ASCC3: variants seen among roughly 807,000 people sequenced by gnomAD.
The protein encoded by ASCC3 is activating signal cointegrator 1 complex subunit 3, also known as ASC-1 complex subunit P200.
Under a neutral mutation model 256.3 loss-of-function variants are expected in ASCC3, and 158 were observed. The ratio of observed to expected loss-of-function variants is 0.62; its 90% confidence interval spans 0.54 to 0.70. The LOEUF is 0.70. ASCC3 is among the 30% of genes least tolerant of loss of function. The probability of loss-of-function intolerance (pLI) is 0.00; values close to 1 mark genes in which losing one functional copy is unlikely to be tolerated. For missense variants in ASCC3, 2,259 were observed against 2,626.0 expected, an observed-to-expected ratio of 0.86 and a Z score of 3.05; for synonymous variants, 948 against 883.4, an observed-to-expected ratio of 1.07 and a Z score of -1.30.
At chr6:100,722,253 G>C (rs942538263) in intron 11 of ASCC3, among the ~76,000 whole-genome samples, 2 of 151,788 alleles carry the variant, frequency 1.3e-5, no homozygotes, top group Non-Finnish European at 2.9e-5. Context: ...AGTATAGTTT[G>C]AAGGTGGGTA....
chr6:100,702,950 T>G (rs2115001675), intron 13 of ASCC3, among the ~76,000 whole-genome samples: 1 of 152,260 alleles, frequency 6.6e-6, no homozygotes, highest in East Asian at 1.9e-4. Flanking sequence ...AATGCCTAGG[T>G]CAACATGATT....
chr6:100,782,995 T>A (rs1403578422), intron 8 of ASCC3, among the ~76,000 whole-genome samples: 1 of 151,474 alleles, frequency 6.6e-6, no homozygotes, highest in Non-Finnish European at 1.5e-5. Flanking sequence ...TGAAACCATA[T>A]GATAATACCT....
chr6:100,689,400 T>C (rs1309920633), intron 13 of ASCC3, among the ~76,000 whole-genome samples: 1 of 152,194 alleles, frequency 6.6e-6, no homozygotes, highest in Non-Finnish European at 1.5e-5. Context: ...AATTTGCCAC[T>C]CATTCAGAAG....
chr6:100,799,492 G>T lies in ASCC3; in HGVS notation c.1208C>A (p.Pro403His), dbSNP rs745525921. 6 of 1,613,078 alleles carry T rather than the reference G, an allele frequency of 3.7e-6. No individual in the cohort carries two copies. The South Asian group carries it at 6.6e-5, about 18-fold the overall frequency. ...TTCAGCCTGGGAATCATACACATGGGGATAATGTATTTTTTCAACGTCTGC... is the reference window on the plus strand; with the variant it reads ...TTCAGCCTGGGAATCATACACATGGTGATAATGTATTTTTTCAACGTCTGC... ...RDADVEKIHY[P>H]HVYDSQAEAM... The change falls in exon 7 of 42, where the codon CCC becomes CAC. Residue 403 changes from proline (P) to histidine (H), a missense_variant. Around this residue, in one of 2 missense-constraint regions of ASCC3, gnomAD observed 1,839 missense variants for 2,206.7 expected, o/e 0.83. Transcript: ENST00000369162.
intron 22 of ASCC3, among the ~76,000 whole-genome samples, chr6:100,644,914 C>A (rs1775306459): frequency 6.6e-6 from 1 of 152,194 alleles, no homozygotes; most frequent in South Asian, 2.1e-4. Flanking sequence ...AAAGTGTCAG[C>A]AGAGCAAATG....
At chr6:100,669,296 TAA>T (rs932232655) in intron 14 of ASCC3, among the ~76,000 whole-genome samples, 2 of 149,494 alleles carry the variant, frequency 1.3e-5, no homozygotes, top group African/African-American at 4.9e-5. Context: ...ATATATTTTA[TAA>T]AAGTTTTATA....
At chr6:100,525,150 C>G (rs1466199723) in intron 37 of ASCC3, among the ~76,000 whole-genome samples, 1 of 80,968 alleles carries the variant, frequency 1.2e-5, no homozygotes, top group Non-Finnish European at 2.2e-5. Flanking sequence ...GAGTGAGACC[C>G]TGTCTCAAAA....
At chr6:100,859,298 T>G (rs1452306502) in intron 3 of ASCC3, 4 of 773,444 alleles carry the variant, frequency 5.2e-6, no homozygotes, top group Non-Finnish European at 9.7e-6. Flanking sequence ...TTTGATAACT[T>G]CTCTGATATA....
In ASCC3 at chr6:100,839,704, T is replaced by A. The variant is rs9498406; in HGVS notation, c.801+8444A>T. On this transcript the variant is annotated intron_variant, in intron 4 of 41. Transcript: ENST00000369162. ...AAAGGACTTTGAAAATTGAAAAGGTTTGACTGAGCTGAGATCTGTCCTTAC... is the reference window on the plus strand; with the variant it reads ...AAAGGACTTTGAAAATTGAAAAGGTATGACTGAGCTGAGATCTGTCCTTAC... Among the ~76,000 whole-genome samples the A allele has an allele frequency of 1.4e-3, 217 of 152,182 alleles. 1 individual carries two copies. Among genetic ancestry groups the A allele is most frequent in the Non-Finnish European group, 1.7e-3 (113 of 68,028 alleles).
At chr6:100,651,507 G>T in intron 19 of ASCC3, 53 bp downstream of exon 19, 6 of 1,030,478 alleles carry the variant, frequency 5.8e-6, no homozygotes, top group South Asian at 1.7e-5. Context: ...TTTTATAAAT[G>T]AATGAATGCA....
chr6:100,513,421 T>C (rs527403643), intron 39 of ASCC3, among the ~76,000 whole-genome samples: 4 of 152,300 alleles, frequency 2.6e-5, no homozygotes, highest in Admixed American at 6.5e-5. Context: ...TATTCAGACA[T>C]TCACATGGCT....
chr6:100,748,986 C>T lies in ASCC3; in HGVS notation c.1737+17579G>A, dbSNP rs550644914. Among the ~76,000 whole-genome samples the T allele has an allele frequency of 7.2e-5, 11 of 151,882 alleles. No individual in the cohort carries two copies. The South Asian group carries it at 1.5e-3, about 20-fold the overall frequency. Reference sequence around the variant, plus strand: ...GGCTTAAAGAAATTTAAGCCTATGCCGATGGCTAAAACAGAAGACATCTGT... The same window carrying T: ...GGCTTAAAGAAATTTAAGCCTATGCTGATGGCTAAAACAGAAGACATCTGT... On this transcript the variant is annotated intron_variant, in intron 10 of 41. Transcript: ENST00000369162.
intron 4 of ASCC3, among the ~76,000 whole-genome samples, chr6:100,835,399 T>C (rs747800810): frequency 1.3e-5 from 2 of 152,172 alleles, no homozygotes; most frequent in Non-Finnish European, 2.9e-5. Flanking sequence ...CTAGTAGACT[T>C]ATCATTTCAG....
At position 100,848,659 on chromosome 6, in the gene ASCC3, A is replaced by G; in HGVS notation, c.290T>C (p.Leu97Pro). The G allele has an allele frequency of 6.2e-7, 1 of 1,613,948 alleles. No individual in the cohort carries two copies. Among genetic ancestry groups the G allele is most frequent in the Non-Finnish European group, 8.5e-7 (1 of 1,180,018 alleles). Residue 97 changes from leucine to proline, a missense_variant, in exon 4 of 42, where the codon CTC becomes CCC. Physicochemically the swap from Leu to Pro is moderately conservative, Grantham distance 98. Transcript: ENST00000369162. The part of the protein sequence containing the change: ...REAIESGAAF[L>P]FMTFHLKDSV... ...GTCCTTCAAGTGAAATGTCATGAAG[A>G]GAAATGCAGCCCCACTTTCAATTGC...
At chr6:100,849,451 A>G (rs966703014) in intron 3 of ASCC3, among the ~76,000 whole-genome samples, 1 of 152,198 alleles carries the variant, frequency 6.6e-6, no homozygotes, top group Admixed American at 6.5e-5. Flanking sequence ...TCCAATTTGT[A>G]CCATAAACCT....
At chr6:100,738,139 T>C (rs574067738) in intron 10 of ASCC3, among the ~76,000 whole-genome samples, 3 of 152,330 alleles carry the variant, frequency 2.0e-5, no homozygotes, top group South Asian at 2.1e-4. Flanking sequence ...GATGGATAGA[T>C]TGAGAAAGTT....
rs556225950 is a variant in ASCC3, at chr6:100,714,327, T to C, written c.2151+1135A>G. ...AAAGAATATTGGCATTTTATATTTC[T>C]TTATTTTTAAAATGATAAATAATGC... On this transcript the variant is annotated intron_variant, in intron 13 of 41. Transcript: ENST00000369162. Among the ~76,000 whole-genome samples, 455 of 152,320 alleles carry C rather than the reference T, an allele frequency of 3.0e-3. 2 individuals carry two copies. Among genetic ancestry groups the C allele is most frequent in the Non-Finnish European group, 2.5e-3 (172 of 68,026 alleles).
chr6:100,540,592 G>C (rs753792235), intron 36 of ASCC3, among the ~76,000 whole-genome samples: 1 of 152,068 alleles, frequency 6.6e-6, no homozygotes, highest in Non-Finnish European at 1.5e-5. Context: ...ATTCATGAAT[G>C]TTCCTTTGTA....
At position 100,854,871 on chromosome 6, in the gene ASCC3, T is replaced by C. The variant is rs149234441; in HGVS notation, c.242-6164A>G. 1.1e-3 allele frequency among the ~76,000 whole-genome samples: 166 copies of C among 152,288 alleles called. 2 individuals are homozygous for C. The East Asian group carries it at 0.03, about 27-fold the overall frequency. The stretch of plus-strand genomic sequence containing the variant: ...ACTGAGATTTAACTTCCATTTTAGA[T>C]TGTTTTAACATCCAAGGAAAAACAA... On this transcript the variant is annotated intron_variant, in intron 3 of 41. Transcript: ENST00000369162.
Sources: allele counts gnomAD v4.1 joint callset (sites outside exome capture counted in the v4.1 genomes callset), GRCh38; gene constraint gnomAD v4.1.1; regional missense constraint gnomAD v4.1.1; transcripts MANE v1.5; gene names NCBI Gene and HGNC (gene_info 2026-07-23, HGNC 2026-07-21).